PNPT1: variants seen among roughly 807,000 people sequenced by gnomAD.
PNPT1 encodes polyribonucleotide nucleotidyltransferase 1, also known as polyribonucleotide nucleotidyltransferase 1, mitochondrial.
PNPT1 carries 53 observed loss-of-function variants against 119.5 expected under a neutral mutation model. The ratio of observed to expected loss-of-function variants is 0.44; its 90% CI spans 0.36 to 0.56. PNPT1 has a LOEUF of 0.56. Ranked by LOEUF, PNPT1 falls within the 20% of genes least tolerant of loss-of-function variation. The probability of loss-of-function intolerance (pLI) is 0.00; values close to 1 mark genes in which losing one functional copy is unlikely to be tolerated. For synonymous variants in PNPT1, 357 were observed against 322.1 expected (o/e 1.11, Z -1.16); for missense variants, 948 against 938.5 (o/e 1.01, Z -0.13).
intron 15 of PNPT1, among the ~76,000 whole-genome samples, chr2:55,656,601 G>A (rs765625606): frequency 2.6e-4 from 39 of 152,124 alleles, no homozygotes; most frequent in Non-Finnish European, 3.7e-4. Context: ...GTGGGAACTG[G>A]ATGGGTATGG....
At chr2:55,638,964 C>T (rs943809736) in intron 26 of PNPT1, among the ~76,000 whole-genome samples, 3 of 152,026 alleles carry the variant, frequency 2.0e-5, no homozygotes, top group African/African-American at 4.8e-5. Context: ...TTAGTAGACA[C>T]GGGGGTTTGC....
chr2:55,693,810 C>A lies in PNPT1; in HGVS notation c.14G>T (p.Arg5Met). ...GAGCCGGAGGCACGAGCAGCAGTAC[C>A]TGCAGGCCGCCATGACACCCGGCAC... MAAC[R>M]YCCSCLRLRP... The change falls in exon 1 of 28, where the codon AGG becomes ATG. Residue 5 changes from arginine (R) to methionine (M), a missense_variant. Physicochemically the swap from Arg to Met is moderately conservative, Grantham distance 91. Coordinates refer to ENST00000447944, the MANE Select transcript of PNPT1 (RefSeq NM_033109.5). The A allele has an allele frequency of 6.2e-7, 1 of 1,613,754 alleles. No homozygotes were observed. The highest frequency in any genetic ancestry group is 1.1e-5 in the South Asian group (1 of 91,080).
chr2:55,691,868 ATATATATATATTT>A (rs1298725377), intron 1 of PNPT1, among the ~76,000 whole-genome samples: 3 of 42,174 alleles, frequency 7.1e-5, no homozygotes, highest in Admixed American at 6.4e-4. Context: ...ATATATATAT[ATATATATATATTT>A]TTTTTTTTTT....
At chr2:55,670,615 G>C (rs143080160) in intron 11 of PNPT1, among the ~76,000 whole-genome samples, 1 of 152,116 alleles carries the variant, frequency 6.6e-6, no homozygotes, top group Admixed American at 6.6e-5. Context: ...GAACACTTAC[G>C]GTGTGGCAGG....
At chr2:55,639,535 T>C (rs1484747508) in intron 26 of PNPT1, among the ~76,000 whole-genome samples, 1 of 152,192 alleles carries the variant, frequency 6.6e-6, no homozygotes, top group African/African-American at 2.4e-5. Context: ...ATTTCAAAAA[T>C]TGCTGTTGAT....
At chr2:55,646,584 C>T (rs1324509330) in intron 19 of PNPT1, 98 bp from the exon 20 acceptor site, 1 of 913,308 alleles carries the variant, frequency 1.1e-6, no homozygotes, top group Non-Finnish European at 1.7e-6. Flanking sequence ...TAGAAGTAAA[C>T]CATATCCTAA....
At chr2:55,681,543 T>C (rs28451828) in intron 5 of PNPT1, among the ~76,000 whole-genome samples, 4,533 of 151,122 alleles carry the variant, frequency 0.03, 105 homozygotes, top group South Asian at 0.09. Context: ...GCTATTTCTA[T>C]CATATAAAAA....
chr2:55,683,921 C>A, intron 4 of PNPT1, 87 bp from the exon 5 acceptor site: 3 of 1,300,916 alleles, frequency 2.3e-6, no homozygotes, highest in South Asian at 2.6e-5. Context: ...GATAGCCATT[C>A]AATATGTTTT....
intron 5 of PNPT1, among the ~76,000 whole-genome samples, chr2:55,681,382 G>C (rs1401238049): frequency 5.9e-5 from 9 of 152,154 alleles, no homozygotes; most frequent in Admixed American, 3.3e-4. Context: ...ACTCCAGCCT[G>C]GGTGCCAGAG....
intron 9 of PNPT1, 67 bp from the exon 10 acceptor site, chr2:55,672,113 A>G: frequency 1.7e-6 from 2 of 1,181,590 alleles, no homozygotes; most frequent in Non-Finnish European, 2.4e-6. Flanking sequence ...TCTATTATAA[A>G]CAAAACTGAA....
chr2:55,685,804 A>AAAAC (rs1697388154), intron 3 of PNPT1, among the ~76,000 whole-genome samples: 1 of 152,218 alleles, frequency 6.6e-6, no homozygotes, highest in South Asian at 2.1e-4. Flanking sequence ...TCCTTGATGT[A>AAAAC]AAACACCATA....
chr2:55,692,185 G>A (rs13420929), intron 1 of PNPT1, among the ~76,000 whole-genome samples: 22,197 of 151,600 alleles, frequency 0.15, 3,041 homozygotes, highest in African/African-American at 0.36. Flanking sequence ...GTGCTCGGCC[G>A]TTTTTTAAAA....
chr2:55,644,902 T>G (rs982185435), intron 22 of PNPT1, 182 bp from the exon 23 acceptor site: 1 of 445,020 alleles, frequency 2.2e-6, no homozygotes. Flanking sequence ...TCCCTAAAAT[T>G]TAAAGCATTT....
rs1015685081 is a variant in PNPT1, at chr2:55,647,418, T to C, written c.1531A>G (p.Ile511Val). 4 of 1,609,294 alleles carry C rather than the reference T, an allele frequency of 2.5e-6. No homozygotes were observed. Among genetic ancestry groups the C allele is most frequent in the Non-Finnish European group, 3.4e-6 (4 of 1,176,944 alleles). ...PISSAVAGVA[I>V]GLVTKTDPEK... ...GGATCGGTTTTGGTGACCAATCCTATTGCTACGCCTGCAACAGCAGATGAA... is the reference window on the plus strand; with the variant it reads ...GGATCGGTTTTGGTGACCAATCCTACTGCTACGCCTGCAACAGCAGATGAA... Residue 511 changes from isoleucine to valine, a missense_variant, in exon 19 of 28, where the codon ATA becomes GTA. Ile to Val is a conservative substitution (Grantham distance 29). Coordinates refer to ENST00000447944, the MANE Select transcript of PNPT1 (RefSeq NM_033109.5).
At chr2:55,649,340 A>T (rs1243233224) in intron 18 of PNPT1, among the ~76,000 whole-genome samples, 1 of 152,192 alleles carries the variant, frequency 6.6e-6, no homozygotes, top group Non-Finnish European at 1.5e-5. Context: ...ACTGTCAAAA[A>T]ATCCTTTTCC....
chr2:55,693,507 T>G (rs776945861), intron 1 of PNPT1, among the ~76,000 whole-genome samples, 156 bp downstream of exon 1: 9 of 152,068 alleles, frequency 5.9e-5, no homozygotes, highest in Non-Finnish European at 1.3e-4. Flanking sequence ...GGAGACACAT[T>G]CCAAACCCGG....
In PNPT1 at chr2:55,684,984, A is replaced by G; in HGVS notation, c.362T>C (p.Ile121Thr). 6.3e-7 allele frequency: 1 copy of G among 1,594,296 alleles called. No homozygotes were observed. The highest frequency in any genetic ancestry group is 2.2e-5 in the East Asian group (1 of 44,466). The part of the protein sequence containing the change: ...RIPTNYLRRE[I>T]GTSDKEILTS... ...TAGAATTTCTTTATCAGAAGTACCAATCTCTCTTCTCAGATAGTTTGTGGG... is the reference window on the plus strand; with the variant it reads ...TAGAATTTCTTTATCAGAAGTACCAGTCTCTCTTCTCAGATAGTTTGTGGG... Residue 121 changes from isoleucine to threonine, a missense_variant, in exon 4 of 28, where the codon ATT becomes ACT. Physicochemically the swap from Ile to Thr is moderately conservative, Grantham distance 89. Transcript: ENST00000447944.
At chr2:55,691,882 T>TC (rs1344448687) in intron 1 of PNPT1, among the ~76,000 whole-genome samples, 4 of 23,686 alleles carry the variant, frequency 1.7e-4, no homozygotes, top group East Asian at 1.4e-3. Context: ...ATATATATTT[T>TC]TTTTTTTTTT....
In PNPT1 at chr2:55,693,579, G is replaced by A. The variant is rs1470108859; in HGVS notation, c.161+84C>T. On this transcript the variant is annotated intron_variant, in intron 1 of 27. Transcript: ENST00000447944. ...AGATTAAATAGAGCTGGGATACCGG[G>A]TTTCTACCCTGGGAGATGAATACGC... The A allele has an allele frequency of 1.3e-5, 20 of 1,556,230 alleles. No individual in the cohort carries two copies. The South Asian group carries it at 1.3e-4, about 10-fold the overall frequency.
Sources: gnomAD v4.1 joint callset for allele counts (sites outside exome capture counted in the v4.1 genomes callset) on GRCh38, gnomAD v4.1.1 for gene constraint, MANE v1.5 for transcripts, NCBI Gene and HGNC (gene_info 2026-07-23, HGNC 2026-07-21) for gene names.